THRA: variants seen among roughly 807,000 people sequenced by gnomAD.
THRA encodes the protein thyroid hormone receptor alpha, also known as EAR-7.
In THRA, 13 loss-of-function variants were observed where a neutral mutation model predicts 45.0. That is an observed-to-expected ratio of 0.29 (90% confidence interval 0.19 to 0.46). THRA has a LOEUF of 0.46. Among genes scored for constraint, THRA ranks in the 20% least tolerant of loss-of-function variants. The pLI is 1.00. For missense variants in THRA, 278 were observed against 556.1 expected, an observed-to-expected ratio of 0.50 and a Z score of 5.03; for synonymous variants, 195 against 214.0, an observed-to-expected ratio of 0.91 and a Z score of 0.78.
chr17:40,071,910 T>C (rs1278836499), intron 1 of THRA, among the ~76,000 whole-genome samples: 2 of 152,016 alleles, frequency 1.3e-5, no homozygotes, highest in African/African-American at 4.8e-5. Flanking sequence ...GGGTACCCAG[T>C]GAGGGTGCCC....
chr17:40,076,266 G>A (rs1230001180), intron 2 of THRA, among the ~76,000 whole-genome samples: 3 of 152,182 alleles, frequency 2.0e-5, no homozygotes, highest in African/African-American at 7.2e-5. Flanking sequence ...TTTAGCATGT[G>A]TGTATGACCT....
Position 40,091,243 on chromosome 17 carries a change from C to T in THRA, c.*1787C>T. ...TGCCACAGCCCCCTACACACACACA[C>T]ACACACACACACACACACACACACA... On this transcript the variant is annotated 3_prime_UTR_variant, in exon 9 of 9. Coordinates refer to ENST00000450525, the MANE Select transcript of THRA (RefSeq NM_199334.5). 1 of 132,086 alleles carries T rather than the reference C, an allele frequency of 7.6e-6. No homozygotes were observed. Among genetic ancestry groups the T allele is most frequent in the Non-Finnish European group, 1.6e-5 (1 of 64,104 alleles). The allele number at this position is 132,086 out of a possible 1,614,324, so 8.2% of individuals were successfully genotyped here.
In THRA at chr17:40,084,614, T is replaced by G. The variant is rs1234323428; in HGVS notation, c.375T>G (p.Val125=). ...CTTGTGCCTCTCTGTTCACAGTGGT[T>G]CTAGATGACTCGAAGCGGGTGGCCA... The part of the protein sequence containing the change: ...CIAVGMAMDL[V]LDDSKRVAKR... Residue 125 remains valine, a synonymous_variant, in exon 6 of 9, where the codon GTT becomes GTG. Transcript: ENST00000450525. 6.2e-7 allele frequency: 1 copy of G among 1,614,020 alleles called. No individual in the cohort carries two copies. Among genetic ancestry groups the G allele is most frequent in the African/African-American group, 1.3e-5 (1 of 75,010 alleles).
intron 5 of THRA, 131 bp from the exon 6 acceptor site, chr17:40,084,479 T>G (rs1987253179): frequency 3.1e-6 from 3 of 970,738 alleles, no homozygotes; most frequent in Non-Finnish European, 4.7e-6. Flanking sequence ...GCTAGGTGAT[T>G]TGGGAAGTCA....
At chr17:40,075,412 C>A (rs1235338584) in intron 2 of THRA, among the ~76,000 whole-genome samples, 1 of 152,184 alleles carries the variant, frequency 6.6e-6, no homozygotes, top group East Asian at 1.9e-4. Context: ...AGGCCCACAA[C>A]TGGGTCCCTG....
Position 40,089,966 on chromosome 17 carries a change from T to G in THRA, c.*510T>G. 1 of 990,424 alleles carries G rather than the reference T, an allele frequency of 1.0e-6. No homozygotes were observed. The highest frequency in any genetic ancestry group is 4.6e-5 in the South Asian group (1 of 21,622). 61.4% of individuals were successfully genotyped at this position (990,424 alleles called of 1,614,324 possible). A position where few individuals can be genotyped will look rare whatever the true frequency, so the allele number is the denominator to read the frequency against. On this transcript the variant is annotated 3_prime_UTR_variant, in exon 9 of 9. Transcript: ENST00000450525. This position sits in a 1 kb window ranked among gnomAD's most constrained non-coding sequence, Gnocchi z 6.1. Reference sequence around the variant, plus strand: ...TGGCTCCTCCTCTGGAGGTTAAAATTTATAGTCATTCTAACTGCACTTTGG... The same window carrying G: ...TGGCTCCTCCTCTGGAGGTTAAAATGTATAGTCATTCTAACTGCACTTTGG...
At chr17:40,086,598 C>G in intron 6 of THRA, 109 bp from the exon 7 acceptor site, 1 of 1,390,540 alleles carries the variant, frequency 7.2e-7, no homozygotes. Flanking sequence ...CAGGCACGGG[C>G]GGCCCCTCTT....
chr17:40,074,265 C>T lies in THRA; in HGVS notation c.-224C>T, dbSNP rs2145055547. The T allele has an allele frequency of 1.8e-6, 1 of 571,378 alleles. No homozygotes were observed. Among genetic ancestry groups the T allele is most frequent in the South Asian group, 1.9e-5 (1 of 51,328 alleles). The allele number at this position is 571,378 out of a possible 1,614,324, so 35.4% of individuals were successfully genotyped here. The stretch of plus-strand genomic sequence containing the variant: ...CCCGGGACCCACAAACCCAGCTTGC[C>T]CCCAGCCCTCCCACCTGCCACTCCC... On this transcript the variant is annotated 5_prime_UTR_variant, in exon 2 of 9. Transcript: ENST00000450525.
At chr17:40,086,891 T>G (rs923037907) in intron 7 of THRA, 38 bp downstream of exon 7, 1 of 1,611,000 alleles carries the variant, frequency 6.2e-7, no homozygotes, top group Non-Finnish European at 8.5e-7. Context: ...GATGCTGTGC[T>G]GGAGGGAAAC....
chr17:40,085,064 G>A (rs1033472166), intron 6 of THRA, among the ~76,000 whole-genome samples: 4 of 152,184 alleles, frequency 2.6e-5, no homozygotes, highest in Admixed American at 2.0e-4. Context: ...TCCAGGGAGC[G>A]GGAGCGACCT....
chr17:40,093,720 CT>C (rs1262738357), downstream of THRA: 1 of 642,172 alleles, frequency 1.6e-6, no homozygotes, highest in Non-Finnish European at 2.7e-6. The surrounding 1 kb of genome is among the most constrained non-coding windows in gnomAD (Gnocchi z 5.9). Flanking sequence ...CATGCTTCTA[CT>C]GTGACACTTA....
intron 7 of THRA, among the ~76,000 whole-genome samples, chr17:40,087,969 C>T (rs2145084266): frequency 6.6e-6 from 1 of 152,256 alleles, no homozygotes; most frequent in South Asian, 2.1e-4. Context: ...GTATGTTGGC[C>T]AGGCTGGTCT....
rs1987528802 is a variant in THRA at position 40,091,250 on chromosome 17, A to ACG, written c.*1795_*1796insGC. ...GCCCCCTACACACACACACACACACACACACACACACACACACACACGGAC... is the reference window on the plus strand; with the variant it reads ...GCCCCCTACACACACACACACACACACGCACACACACACACACACACACGGAC... On this transcript the variant is annotated 3_prime_UTR_variant, in exon 9 of 9. Transcript: ENST00000450525. 1 of 155,458 alleles carries ACG rather than the reference A, an allele frequency of 6.4e-6. No individual in the cohort carries two copies. The highest frequency in any genetic ancestry group is 1.4e-5 in the Non-Finnish European group (1 of 71,054). 9.6% of individuals were successfully genotyped at this position (155,458 alleles called of 1,614,324 possible).
At chr17:40,070,055 C>T (rs980326422) in intron 1 of THRA, among the ~76,000 whole-genome samples, 1 of 151,984 alleles carries the variant, frequency 6.6e-6, no homozygotes, top group African/African-American at 2.4e-5. Context: ...GTTTAAGTAA[C>T]CAATCTCCCC....
rs147777472 is a variant in THRA, at chr17:40,064,417, A to G, written c.-298+1325A>G. Reference sequence around the variant, plus strand: ...GGCACACACGTGCTCGCATGAGCCCAGTCACACAGACATCATTGCTTGCCG... The same window carrying G: ...GGCACACACGTGCTCGCATGAGCCCGGTCACACAGACATCATTGCTTGCCG... On this transcript the variant is annotated intron_variant, in intron 1 of 8. Coordinates refer to ENST00000450525, the MANE Select transcript of THRA (RefSeq NM_199334.5). Among the ~76,000 whole-genome samples the G allele has an allele frequency of 9.8e-5, 15 of 152,376 alleles. No homozygotes were observed. In the East Asian group the frequency reaches 2.9e-3, roughly 29 times the overall value.
chr17:40,074,614 A>G lies in THRA; in HGVS notation c.53+73A>G, dbSNP rs370386639. ...TGGGCACCTGGCTGAGCTCTCCTTT[A>G]GGCACCGCCTTTAAGCACCTCTGTG... On this transcript the variant is annotated intron_variant, in intron 2 of 8. Transcript: ENST00000450525. 3.8e-4 allele frequency: 585 copies of G among 1,543,532 alleles called. 7 individuals are homozygous for G. The African/African-American group carries it at 7.1e-3, about 19-fold the overall frequency.
intron 4 of THRA, among the ~76,000 whole-genome samples, 167 bp from the exon 5 acceptor site, chr17:40,083,668 T>A (rs1474827168): frequency 6.6e-6 from 1 of 152,086 alleles, no homozygotes; most frequent in Non-Finnish European, 1.5e-5. Flanking sequence ...ATTTCTCAGG[T>A]CCTTGAGCCT....
At chr17:40,088,919 A>T in intron 8 of THRA, among the ~76,000 whole-genome samples, 1 of 72,314 alleles carries the variant, frequency 1.4e-5, no homozygotes, top group African/African-American at 5.7e-5. Context: ...AGTCCTCCCC[A>T]CTCCAAGGCT....
intron 1 of THRA, among the ~76,000 whole-genome samples, chr17:40,068,701 A>G (rs1471244801): frequency 6.6e-6 from 1 of 152,158 alleles, no homozygotes; most frequent in Non-Finnish European, 1.5e-5. Context: ...AGTGGCCAAG[A>G]GCAGAATGAT....
Sources: allele counts gnomAD v4.1 joint callset (sites outside exome capture counted in the v4.1 genomes callset), GRCh38; gene constraint gnomAD v4.1.1; non-coding constraint Gnocchi (gnomAD v3.1); transcripts MANE v1.5; gene names NCBI Gene and HGNC (gene_info 2026-07-23, HGNC 2026-07-21).